The following ANKFY1 variants were observed in gnomAD, a reference collection of about 807,000 sequenced individuals.
ANKFY1 encodes the protein ankyrin repeat and FYVE domain-containing protein 1.
ANKFY1 carries 47 observed loss-of-function variants against 128.3 expected under a neutral mutation model. That is an observed-to-expected ratio of 0.37 (90% CI 0.29 to 0.47). The LOEUF (loss-of-function observed/expected upper bound fraction) is 0.47, where lower values mean the gene tolerates loss of function less well. ANKFY1 is among the 20% of genes least tolerant of loss of function. The pLI, the probability that ANKFY1 is intolerant of heterozygous loss-of-function variation, is 1.00. For synonymous variants in ANKFY1, 553 were observed against 601.6 expected, an observed-to-expected ratio of 0.92 and a Z score of 1.18; for missense variants, 1,222 against 1,510.6, an observed-to-expected ratio of 0.81 and a Z score of 3.17.
chr17:4,214,652 A>G (rs1348683532), intron 4 of ANKFY1, among the ~76,000 whole-genome samples: 1 of 151,566 alleles, frequency 6.6e-6, no homozygotes, highest in African/African-American at 2.4e-5. Context: ...CAGCCTCCTG[A>G]GTAGCTGGGA....
rs769587782 is a variant in ANKFY1 at position 4,242,335 on chromosome 17, T to C, written c.124A>G (p.Asn42Asp). The part of the protein sequence containing the change: ...KRCALLAAQA[N>D]KESSSESFIS... ...AAGGACTCGCTGCTGCTCTCCTTGT[T>C]TGCCTGCGCAGCCAAGAGAGCGCAG... is the stretch of plus-strand genomic sequence containing the variant. The change falls in exon 2 of 25, where the codon AAC becomes GAC. Residue 42 changes from asparagine to aspartate, a missense_variant. By Grantham distance (23) the Asn-to-Asp change is conservative (BLOSUM62 1). Coordinates refer to ENST00000341657, the MANE Select transcript of ANKFY1 (RefSeq NM_001330063.2). 1.9e-6 allele frequency: 3 copies of C among 1,602,882 alleles called. No homozygotes were observed. In the South Asian group the frequency reaches 3.4e-5, roughly 18 times the overall value.
intron 3 of ANKFY1, among the ~76,000 whole-genome samples, chr17:4,224,307 C>G (rs1261014252): frequency 7.1e-6 from 1 of 140,082 alleles, no homozygotes; most frequent in Non-Finnish European, 1.5e-5. Context: ...ACTGCAGGCT[C>G]TGCCCCCGGG....
At chr17:4,255,502 G>A (rs184401107) in intron 1 of ANKFY1, among the ~76,000 whole-genome samples, 6 of 152,070 alleles carry the variant, frequency 3.9e-5, no homozygotes, top group South Asian at 2.1e-4. Flanking sequence ...CCCTGGCCTC[G>A]GCCTCCCAAA....
In ANKFY1 at chr17:4,172,572, A is replaced by C; in HGVS notation, c.3123T>G (p.Asp1041Glu). 1 of 1,613,958 alleles carries C rather than the reference A, an allele frequency of 6.2e-7. No individual in the cohort carries two copies. The highest frequency in any genetic ancestry group is 8.5e-7 in the Non-Finnish European group (1 of 1,179,880). ...CMPGYPLDKP[D>E]ADGSTVLLLA... ...GGTACACACCCGTGCTGCCGTCTGCATCCGGCTTGTCCAGAGGATACCCCG... is the reference window on the plus strand; with the variant it reads ...GGTACACACCCGTGCTGCCGTCTGCCTCCGGCTTGTCCAGAGGATACCCCG... Residue 1041 changes from aspartate (D) to glutamate (E), a missense_variant, in exon 22 of 25, where the codon GAT becomes GAG. Physicochemically the swap from Asp to Glu is conservative, Grantham distance 45. Coordinates refer to ENST00000341657, the MANE Select transcript of ANKFY1 (RefSeq NM_001330063.2).
intron 14 of ANKFY1, 51 bp from the exon 15 acceptor site, chr17:4,182,400 C>T (rs2059532411): frequency 1.4e-6 from 2 of 1,442,236 alleles, no homozygotes; most frequent in African/African-American, 1.4e-5. Flanking sequence ...ACCCAAAGCA[C>T]AGAAGGTGCC....
In ANKFY1 at chr17:4,183,538, G is replaced by A. The variant is rs375708945; in HGVS notation, c.1812C>T (p.Ile604=). The change falls in exon 14 of 25, where the codon ATC becomes ATT. Residue 604 remains isoleucine, a synonymous_variant. Coordinates refer to ENST00000341657, the MANE Select transcript of ANKFY1 (RefSeq NM_001330063.2). ...CTCCAGAGCCCAGCAGCTGGGCTGCGATCGTGTGCATGCCTGGGAAACAAG... is the reference window on the plus strand; with the variant it reads ...CTCCAGAGCCCAGCAGCTGGGCTGCAATCGTGTGCATGCCTGGGAAACAAG... ...GLALWTGMHT[I]AAQLLGSGAA... 5.0e-6 allele frequency: 8 copies of A among 1,612,138 alleles called. No homozygotes were observed. Among genetic ancestry groups the A allele is most frequent in the African/African-American group, 4.0e-5 (3 of 74,844 alleles).
intron 4 of ANKFY1, among the ~76,000 whole-genome samples, chr17:4,213,925 C>T (rs2060179126): frequency 6.6e-6 from 1 of 152,180 alleles, no homozygotes; most frequent in Non-Finnish European, 1.5e-5. Flanking sequence ...TTTCTCCAAA[C>T]CTGTAGCACA....
intron 7 of ANKFY1, among the ~76,000 whole-genome samples, chr17:4,205,751 A>AG (rs958505655): frequency 7.2e-5 from 11 of 151,862 alleles, no homozygotes; most frequent in Non-Finnish European, 1.3e-4. Context: ...CAAAAAAAAA[A>AG]AAAGATTTAA....
At chr17:4,219,055 C>A (rs932195585) in intron 3 of ANKFY1, among the ~76,000 whole-genome samples, 1 of 152,114 alleles carries the variant, frequency 6.6e-6, no homozygotes. Flanking sequence ...ACTAAAATAT[C>A]AACCCAGGTG....
At chr17:4,245,082 T>C (rs894924156) in intron 1 of ANKFY1, among the ~76,000 whole-genome samples, 3 of 152,166 alleles carry the variant, frequency 2.0e-5, no homozygotes, top group African/African-American at 4.8e-5. Flanking sequence ...TGACACCACA[T>C]TGCACTGTTG....
At position 4,214,152 on chromosome 17, in the gene ANKFY1, C is replaced by G. The variant is rs1224419794; in HGVS notation, c.458+2831G>C. Among the ~76,000 whole-genome samples the G allele has an allele frequency of 2.0e-5, 3 of 152,310 alleles. No homozygotes were observed. In the South Asian group the frequency reaches 6.2e-4, roughly 32 times the overall value. On this transcript the variant is annotated intron_variant, in intron 4 of 24. Coordinates refer to ENST00000341657, the MANE Select transcript of ANKFY1 (RefSeq NM_001330063.2). ...ATTTGCAGAGCACTTTACAAAGCACCTTTACAGCATTTGCTGAGAACCTGA... is the reference window on the plus strand; with the variant it reads ...ATTTGCAGAGCACTTTACAAAGCACGTTTACAGCATTTGCTGAGAACCTGA...
chr17:4,222,872 G>A (rs147099893), intron 3 of ANKFY1: 12 of 975,802 alleles, frequency 1.2e-5, no homozygotes, highest in East Asian at 7.1e-5. Flanking sequence ...CTCAGTATCC[G>A]AGAGCTGACA....
chr17:4,250,744 T>C (rs1216591608), intron 1 of ANKFY1, among the ~76,000 whole-genome samples: 1 of 152,184 alleles, frequency 6.6e-6, no homozygotes, highest in Non-Finnish European at 1.5e-5. Context: ...CATAACTCAC[T>C]GCAGCCTCGA....
At chr17:4,210,578 C>G (rs1236484351) in intron 4 of ANKFY1, among the ~76,000 whole-genome samples, 1 of 151,718 alleles carries the variant, frequency 6.6e-6, no homozygotes, top group Non-Finnish European at 1.5e-5. Context: ...TGTGGTGGCG[C>G]ATGCCTGTAA....
At position 4,194,103 on chromosome 17, in the gene ANKFY1, A is replaced by ATTT. The variant is rs796921017; in HGVS notation, c.1372+872_1372+874dup. ...CGCCCGGCCATATATATATATATAT[A>ATTT]TTTTTTTTTTTTTTTTTTTTTTGAG... On this transcript the variant is annotated intron_variant, in intron 10 of 24. Coordinates refer to ENST00000341657, the MANE Select transcript of ANKFY1 (RefSeq NM_001330063.2). Among the ~76,000 whole-genome samples the ATTT allele has an allele frequency of 9.2e-4, 99 of 108,160 alleles. 2 individuals carry two copies. The highest frequency in any genetic ancestry group is 4.4e-3 in the African/African-American group (90 of 20,510). 71.0% of individuals were successfully genotyped at this position (108,160 alleles called of 152,430 possible).
chr17:4,172,100 G>A (rs929112817), intron 22 of ANKFY1, among the ~76,000 whole-genome samples: 1 of 152,182 alleles, frequency 6.6e-6, no homozygotes, highest in African/African-American at 2.4e-5. Flanking sequence ...GAGCAACCAT[G>A]AGAGGCCTGT....
chr17:4,206,549 T>A, intron 6 of ANKFY1, 63 bp from the exon 7 acceptor site: 3 of 1,477,366 alleles, frequency 2.0e-6, no homozygotes, highest in Non-Finnish European at 1.9e-6. Flanking sequence ...TTTTAATTTC[T>A]CCCACCTTGA....
At chr17:4,210,190 T>C (rs1418806725) in intron 4 of ANKFY1, among the ~76,000 whole-genome samples, 1 of 152,212 alleles carries the variant, frequency 6.6e-6, no homozygotes, top group Non-Finnish European at 1.5e-5. Flanking sequence ...AATAAACTGA[T>C]TAAGCATAAT....
intron 1 of ANKFY1, 123 bp from the exon 2 acceptor site, chr17:4,242,571 T>C (rs1967302898): frequency 1.2e-6 from 1 of 813,326 alleles, no homozygotes; most frequent in Non-Finnish European, 1.8e-6. Context: ...GTTCCACTCT[T>C]TCTTAGTGAT....
Sources: allele counts gnomAD v4.1 joint callset (sites outside exome capture counted in the v4.1 genomes callset), GRCh38; gene constraint gnomAD v4.1.1; transcripts MANE v1.5; gene names NCBI Gene and HGNC (gene_info 2026-07-23, HGNC 2026-07-21).